Variants in POU1F1 observed in about 807,000 individuals in gnomAD.
The protein encoded by POU1F1 is pituitary-specific positive transcription factor 1.
Under a neutral mutation model 32.3 loss-of-function variants are expected in POU1F1, and 23 were observed. The ratio of observed to expected loss-of-function variants is 0.71; its 90% CI spans 0.51 to 1.01. The LOEUF is 1.01. Ranked by LOEUF, POU1F1 falls within the 50% of genes least tolerant of loss-of-function variation. The probability of loss-of-function intolerance (pLI) is 0.00; values close to 1 mark genes in which losing one functional copy is unlikely to be tolerated. For synonymous variants in POU1F1, 120 were observed against 115.6 expected, an observed-to-expected ratio of 1.04 and a Z score of -0.25; for missense variants, 323 against 341.6, an observed-to-expected ratio of 0.95 and a Z score of 0.43.
chr3:87,261,391 G>A (rs1251743073), intron 4 of POU1F1, 58 bp from the exon 5 acceptor site: 4 of 1,290,426 alleles, frequency 3.1e-6, no homozygotes, highest in Non-Finnish European at 4.4e-6. Context: ...TATAAAAAAC[G>A]ATCTGATTTG....
At chr3:87,264,240 G>T (rs765155881) in intron 3 of POU1F1, 48 bp downstream of exon 3, 14 of 1,444,198 alleles carry the variant, frequency 9.7e-6, no homozygotes, top group African/African-American at 1.4e-5. Context: ...CAGCAATAAA[G>T]ATTTGCAAAC....
chr3:87,266,218 T>C (rs1706618079), intron 2 of POU1F1, among the ~76,000 whole-genome samples: 1 of 147,330 alleles, frequency 6.8e-6, no homozygotes, highest in South Asian at 2.1e-4. Flanking sequence ...TATGTAGTTA[T>C]TTATTTAATT....
intron 4 of POU1F1, 104 bp downstream of exon 4, chr3:87,261,967 G>GA (rs1476837682): frequency 1.4e-5 from 19 of 1,397,656 alleles, no homozygotes; most frequent in South Asian, 2.4e-5. Context: ...AGAAAAGGCG[G>GA]AAAAAAACCC....
At chr3:87,267,134 AATT>A (rs1298368018) in intron 2 of POU1F1, among the ~76,000 whole-genome samples, 8 of 152,124 alleles carry the variant, frequency 5.3e-5, no homozygotes, top group East Asian at 1.9e-4. Context: ...ATTTGTTATC[AATT>A]ATTATTATTA....
At chr3:87,266,250 A>G (rs1410092710) in intron 2 of POU1F1, among the ~76,000 whole-genome samples, 1 of 146,848 alleles carries the variant, frequency 6.8e-6, no homozygotes, top group Non-Finnish European at 1.5e-5. Flanking sequence ...TATAAAATTT[A>G]TATTTTATAT....
chr3:87,271,905 T>C (rs1182477435), intron 2 of POU1F1, among the ~76,000 whole-genome samples: 1 of 152,200 alleles, frequency 6.6e-6, no homozygotes, highest in Non-Finnish European at 1.5e-5. Flanking sequence ...TGTTGCTTGA[T>C]AGAATGTAGG....
rs556687610 is a variant in POU1F1 at position 87,276,194 on chromosome 3, C to T, written c.142+127G>A. 2.0e-5 allele frequency: 25 copies of T among 1,259,546 alleles called. No homozygotes were observed. In the African/African-American group the frequency reaches 3.7e-4, roughly 19 times the overall value. The allele number at this position is 1,259,546 out of a possible 1,614,324, so 78.0% of individuals were successfully genotyped here. The stretch of plus-strand genomic sequence containing the variant: ...TTAGATATGCTTAATGCTTACTTCA[C>T]TTAAGACAAATTAAATTGGAGGGGT... On this transcript the variant is annotated intron_variant, in intron 1 of 5. Transcript: ENST00000350375.
chr3:87,267,652 G>A (rs567183782), intron 2 of POU1F1, among the ~76,000 whole-genome samples: 1 of 148,146 alleles, frequency 6.8e-6, no homozygotes, highest in Non-Finnish European at 1.5e-5. Context: ...CTGTCTCCTA[G>A]ACTGGAGTGC....
chr3:87,268,742 C>T (rs1706673269), intron 2 of POU1F1, among the ~76,000 whole-genome samples: 1 of 152,180 alleles, frequency 6.6e-6, no homozygotes, highest in African/African-American at 2.4e-5. Context: ...ACAGCACACA[C>T]ACACATAGCT....
At chr3:87,269,870 A>G (rs1451268482) in intron 2 of POU1F1, among the ~76,000 whole-genome samples, 3 of 152,076 alleles carry the variant, frequency 2.0e-5, no homozygotes, top group African/African-American at 7.2e-5. Context: ...ACATCATGTA[A>G]AGATGGTGGG....
At chr3:87,268,225 CCTG>C (rs1706661700) in intron 2 of POU1F1, among the ~76,000 whole-genome samples, 1 of 151,004 alleles carries the variant, frequency 6.6e-6, no homozygotes, top group African/African-American at 2.4e-5. Flanking sequence ...ACTACAGGTG[CCTG>C]CCACCACACC....
At chr3:87,262,491 A>G (rs1451145425) in intron 3 of POU1F1, among the ~76,000 whole-genome samples, 1 of 152,204 alleles carries the variant, frequency 6.6e-6, no homozygotes, top group Non-Finnish European at 1.5e-5. Context: ...AACATCTGCC[A>G]TTCATAATAT....
At chr3:87,274,424 G>A (rs1345003735) in intron 1 of POU1F1, among the ~76,000 whole-genome samples, 1 of 151,630 alleles carries the variant, frequency 6.6e-6, no homozygotes, top group South Asian at 2.1e-4. Flanking sequence ...TTGAATAAAT[G>A]AGATATTATA....
chr3:87,261,927 A>G (rs1000478058), intron 4 of POU1F1, 144 bp downstream of exon 4: 4 of 953,864 alleles, frequency 4.2e-6, no homozygotes, highest in South Asian at 2.9e-5. Context: ...TTAGTGTGAT[A>G]TAACAAAATG....
At chr3:87,274,976 C>T (rs1706799394) in intron 1 of POU1F1, among the ~76,000 whole-genome samples, 1 of 151,618 alleles carries the variant, frequency 6.6e-6, no homozygotes, top group Non-Finnish European at 1.5e-5. Context: ...TAGATTATTA[C>T]CTCGATTCTG....
chr3:87,271,598 T>C (rs1025772035), intron 2 of POU1F1, among the ~76,000 whole-genome samples: 4 of 152,120 alleles, frequency 2.6e-5, no homozygotes, highest in African/African-American at 9.7e-5. Context: ...TCATTTCCTG[T>C]CTCATAATCA....
intron 2 of POU1F1, among the ~76,000 whole-genome samples, chr3:87,268,519 C>T (rs977543422): frequency 4.6e-5 from 7 of 152,084 alleles, no homozygotes; most frequent in East Asian, 1.9e-4. Context: ...AACAGCCAAA[C>T]GAACCTCTGT....
intron 2 of POU1F1, among the ~76,000 whole-genome samples, chr3:87,266,999 G>A (rs1437118640): frequency 6.6e-6 from 1 of 152,030 alleles, no homozygotes; most frequent in Non-Finnish European, 1.5e-5. Flanking sequence ...CCAGGCTACT[G>A]TTAGATTTTG....
intron 2 of POU1F1, among the ~76,000 whole-genome samples, chr3:87,267,644 G>T (rs1706644781): frequency 6.6e-6 from 1 of 151,212 alleles, no homozygotes; most frequent in South Asian, 2.1e-4. Flanking sequence ...GTCACACTCT[G>T]TCTCCTAGAC....
Sources: gnomAD v4.1 joint callset for allele counts (sites outside exome capture counted in the v4.1 genomes callset) on GRCh38, gnomAD v4.1.1 for gene constraint, MANE v1.5 for transcripts, NCBI Gene and HGNC (gene_info 2026-07-23, HGNC 2026-07-21) for gene names.